FCHSD2: variants seen among roughly 807,000 people sequenced by gnomAD.
The protein encoded by FCHSD2 is FCH and double SH3 domains 2.
In FCHSD2, 38 loss-of-function variants were observed where a neutral mutation model predicts 108.1. That is an observed-to-expected ratio of 0.35 (90% confidence interval 0.27 to 0.46). The LOEUF is 0.46. Among genes scored for constraint, FCHSD2 ranks in the 20% least tolerant of loss-of-function variants. The probability of loss-of-function intolerance (pLI) is 1.00; values close to 1 mark genes in which losing one functional copy is unlikely to be tolerated. For synonymous variants in FCHSD2, 279 were observed against 314.7 expected (o/e 0.89, Z 1.20); for missense variants, 751 against 897.8 (o/e 0.84, Z 2.09).
intron 8 of FCHSD2, among the ~76,000 whole-genome samples, chr11:72,981,968 C>T (rs1049017752): frequency 6.6e-6 from 1 of 152,144 alleles, no homozygotes; most frequent in Non-Finnish European, 1.5e-5. Flanking sequence ...TATGACAGAG[C>T]GAGACCCTGT....
chr11:72,962,592 A>C (rs1335192082), intron 8 of FCHSD2, among the ~76,000 whole-genome samples: 1 of 39,124 alleles, frequency 2.6e-5, no homozygotes, highest in Non-Finnish European at 5.7e-5. Context: ...GATATGAACT[A>C]AATTCCCCCT....
chr11:73,011,470 C>T (rs539613510), intron 4 of FCHSD2, among the ~76,000 whole-genome samples: 46 of 152,306 alleles, frequency 3.0e-4, no homozygotes, highest in African/African-American at 1.1e-3. Context: ...TAACCCACAG[C>T]TTGGCCCCAA....
At chr11:72,979,737 T>C (rs1857176856) in intron 8 of FCHSD2, among the ~76,000 whole-genome samples, 1 of 152,174 alleles carries the variant, frequency 6.6e-6, no homozygotes, top group African/African-American at 2.4e-5. Flanking sequence ...GGATGTGCTC[T>C]ACCAAAGGAC....
At chr11:73,033,018 G>C (rs1191483057) in intron 3 of FCHSD2, among the ~76,000 whole-genome samples, 1 of 152,126 alleles carries the variant, frequency 6.6e-6, no homozygotes, top group Non-Finnish European at 1.5e-5. Flanking sequence ...GCCGGGTGCG[G>C]TGGCTCACAC....
At chr11:72,877,075 A>G (rs561429507) in intron 12 of FCHSD2, among the ~76,000 whole-genome samples, 70 of 151,870 alleles carry the variant, frequency 4.6e-4, no homozygotes, top group African/African-American at 1.7e-3. Context: ...GGCTGCCTCC[A>G]GTGCAGCCTC....
At chr11:73,055,343 G>GAAAAAAAA (rs11299720) in intron 3 of FCHSD2, among the ~76,000 whole-genome samples, 11 of 144,702 alleles carry the variant, frequency 7.6e-5, no homozygotes, top group Non-Finnish European at 1.5e-4. Flanking sequence ...ACCCTGTCTC[G>GAAAAAAAA]AAAAAAAAAA....
At chr11:72,985,908 C>T (rs943826863) in intron 6 of FCHSD2, among the ~76,000 whole-genome samples, 1 of 152,038 alleles carries the variant, frequency 6.6e-6, no homozygotes, top group Non-Finnish European at 1.5e-5. Flanking sequence ...TTTAAAGCTG[C>T]AATGTTTGTC....
intron 4 of FCHSD2, among the ~76,000 whole-genome samples, chr11:73,002,752 T>C (rs529226200): frequency 5.9e-5 from 9 of 152,316 alleles, no homozygotes; most frequent in Non-Finnish European, 1.0e-4. Flanking sequence ...TCAGTTTAAA[T>C]GTAACTTCCT....
intron 8 of FCHSD2, among the ~76,000 whole-genome samples, chr11:72,981,952 G>A (rs1216264838): frequency 6.6e-6 from 1 of 152,210 alleles, no homozygotes; most frequent in Non-Finnish European, 1.5e-5. Flanking sequence ...CTGCACTCTA[G>A]CCTGTTATGA....
At chr11:72,931,416 T>C (rs947747255) in intron 8 of FCHSD2, among the ~76,000 whole-genome samples, 7 of 149,490 alleles carry the variant, frequency 4.7e-5, no homozygotes, top group Non-Finnish European at 7.4e-5. Flanking sequence ...CTTAAATTTT[T>C]TTTTTAAATA....
intron 3 of FCHSD2, among the ~76,000 whole-genome samples, chr11:73,032,117 TTTTAA>T (rs1488783964): frequency 3.3e-5 from 5 of 152,204 alleles, no homozygotes; most frequent in Non-Finnish European, 5.9e-5. Context: ...CACGGTCCTA[TTTTAA>T]TTTAAAAAAC....
intron 2 of FCHSD2, among the ~76,000 whole-genome samples, chr11:73,108,910 A>G (rs1860415038): frequency 6.6e-6 from 1 of 152,216 alleles, no homozygotes; most frequent in African/African-American, 2.4e-5. Flanking sequence ...TGGTTTTTAT[A>G]TATGGCAAGA....
chr11:73,050,670 T>C (rs1858878120), intron 3 of FCHSD2, among the ~76,000 whole-genome samples: 1 of 152,152 alleles, frequency 6.6e-6, no homozygotes. Context: ...CATGGGGAGA[T>C]AATGGGAACA....
intron 13 of FCHSD2, among the ~76,000 whole-genome samples, chr11:72,863,241 T>C (rs926424910): frequency 2.6e-5 from 4 of 152,056 alleles, no homozygotes; most frequent in African/African-American, 9.7e-5. Context: ...TAACTGATTT[T>C]TGACAATGAT....
At chr11:72,933,575 T>C (rs982574450) in intron 8 of FCHSD2, among the ~76,000 whole-genome samples, 3 of 152,218 alleles carry the variant, frequency 2.0e-5, no homozygotes, top group Non-Finnish European at 4.4e-5. Context: ...TAATAAATGA[T>C]ACCCAACTTA....
chr11:72,942,672 T>C (rs1856442530), intron 8 of FCHSD2, among the ~76,000 whole-genome samples: 1 of 152,246 alleles, frequency 6.6e-6, no homozygotes, highest in Non-Finnish European at 1.5e-5. Context: ...ACATACTTTA[T>C]TAAAATTAAA....
chr11:73,048,958 G>A (rs921915140), intron 3 of FCHSD2, among the ~76,000 whole-genome samples: 1 of 152,140 alleles, frequency 6.6e-6, no homozygotes. Context: ...ATGACAAAGA[G>A]CTATGAAGAA....
chr11:73,053,332 T>C (rs1858946842), intron 3 of FCHSD2, among the ~76,000 whole-genome samples: 1 of 151,674 alleles, frequency 6.6e-6, no homozygotes, highest in Admixed American at 6.6e-5. Flanking sequence ...TGAGAGATAA[T>C]TTAAATTTAA....
chr11:72,950,202 T>C (rs185227959), intron 8 of FCHSD2, among the ~76,000 whole-genome samples: 1 of 152,350 alleles, frequency 6.6e-6, no homozygotes, highest in East Asian at 1.9e-4. Flanking sequence ...TATTTGTTTT[T>C]ATTGAATTGT....
Sources: allele counts gnomAD v4.1 joint callset (sites outside exome capture counted in the v4.1 genomes callset), GRCh38; gene constraint gnomAD v4.1.1; transcripts MANE v1.5; gene names NCBI Gene and HGNC (gene_info 2026-07-23, HGNC 2026-07-21).